CSMD1: variants seen among roughly 807,000 people sequenced by gnomAD.
CSMD1 encodes the protein CUB and sushi domain-containing protein 1.
In CSMD1, 213 loss-of-function variants were observed where a neutral mutation model predicts 417.5. The ratio of observed to expected loss-of-function variants is 0.51; its 90% confidence interval spans 0.46 to 0.57. CSMD1 has a LOEUF of 0.57. CSMD1 is among the 20% of genes least tolerant of loss of function. The probability of loss-of-function intolerance (pLI) is 0.00; values close to 1 mark genes in which losing one functional copy is unlikely to be tolerated. For synonymous variants in CSMD1, 2,862 were observed against 1,736.8 expected, an observed-to-expected ratio of 1.65 and a Z score of -16.11; for missense variants, 6,923 against 4,529.7, an observed-to-expected ratio of 1.53 and a Z score of -15.17.
At chr8:4,012,234 T>C (rs1488559313) in intron 4 of CSMD1, among the ~76,000 whole-genome samples, 1 of 152,016 alleles carries the variant, frequency 6.6e-6, no homozygotes, top group Non-Finnish European at 1.5e-5. Flanking sequence ...TCTCTTTAGA[T>C]ACTACTCTTC....
At chr8:3,821,712 C>G (rs975678884) in intron 5 of CSMD1, among the ~76,000 whole-genome samples, 1 of 152,066 alleles carries the variant, frequency 6.6e-6, no homozygotes, top group Non-Finnish European at 1.5e-5. Flanking sequence ...AACCCAGGAG[C>G]GGGAGGTTGC....
At chr8:4,951,703 C>T (rs1402468464) in intron 1 of CSMD1, among the ~76,000 whole-genome samples, 1 of 151,378 alleles carries the variant, frequency 6.6e-6, no homozygotes, top group Non-Finnish European at 1.5e-5. Flanking sequence ...GGCTGTGGTT[C>T]TACCAGAAGA....
intron 69 of CSMD1, among the ~76,000 whole-genome samples, chr8:2,939,027 C>A (rs555438258): frequency 2.0e-5 from 3 of 152,148 alleles, no homozygotes; most frequent in Non-Finnish European, 4.4e-5. Context: ...TGCAGTGGCA[C>A]GACCACCACT....
At chr8:3,047,157 A>G (rs73488440) in intron 50 of CSMD1, among the ~76,000 whole-genome samples, 5,766 of 148,340 alleles carry the variant, frequency 0.039, 392 homozygotes, top group African/African-American at 0.14. Flanking sequence ...GCAGTGGACC[A>G]AGATCCAGAT....
At chr8:3,329,154 C>T (rs1049636608) in intron 23 of CSMD1, among the ~76,000 whole-genome samples, 3 of 151,990 alleles carry the variant, frequency 2.0e-5, no homozygotes, top group Non-Finnish European at 2.9e-5. Flanking sequence ...AGGAGAGAGG[C>T]GATGCCATAG....
At chr8:4,006,532 G>C (rs1397150519) in intron 4 of CSMD1, among the ~76,000 whole-genome samples, 1 of 152,154 alleles carries the variant, frequency 6.6e-6, no homozygotes, top group Non-Finnish European at 1.5e-5. Context: ...GACAGAGTGA[G>C]GCCTTGCCTC....
intron 12 of CSMD1, among the ~76,000 whole-genome samples, chr8:3,464,190 G>A (rs1311291105): frequency 6.6e-6 from 1 of 152,126 alleles, no homozygotes; most frequent in African/African-American, 2.4e-5. Flanking sequence ...ATCAACTAGT[G>A]TGATGAACTC....
chr8:3,702,307 CAA>C (rs1200529949), intron 7 of CSMD1: 1 of 152,136 alleles, frequency 6.6e-6, no homozygotes, highest in Non-Finnish European at 1.5e-5. Flanking sequence ...TCGAATTGGG[CAA>C]GTCATTTGTC....
At chr8:3,547,349 G>A (rs951059988) in intron 10 of CSMD1, among the ~76,000 whole-genome samples, 3 of 152,064 alleles carry the variant, frequency 2.0e-5, no homozygotes, top group East Asian at 3.9e-4. Context: ...AAATTTGTAC[G>A]GTCGAAAAAT....
At chr8:3,940,084 T>C (rs141994256) in intron 5 of CSMD1, among the ~76,000 whole-genome samples, 43 of 150,528 alleles carry the variant, frequency 2.9e-4, no homozygotes, top group African/African-American at 1.0e-3. Flanking sequence ...TAAAAACTTA[T>C]AAATGCAGAT....
At position 4,994,337 on chromosome 8, in the gene CSMD1, G is replaced by A; in HGVS notation, c.80C>T (p.Ala27Val). The A allele has an allele frequency of 6.2e-7, 1 of 1,610,294 alleles. No homozygotes were observed. Among genetic ancestry groups the A allele is most frequent in the South Asian group, 1.1e-5 (1 of 91,070 alleles). ...LVLCARLLTAAKGQNCGGLVQ... is the reference protein window; with the variant it reads ...LVLCARLLTAVKGQNCGGLVQ... ...CAGGAGCAAGTCCGTCTTACCCTTC[G>A]CTGCAGTGAGGAGCCTCGCGCACAG... Residue 27 changes from alanine (A) to valine (V), a missense_variant, in exon 1 of 70, where the codon GCG becomes GTG. Ala to Val is a moderately conservative substitution (Grantham distance 64). Transcript: ENST00000635120.
At chr8:4,401,695 C>T (rs187165765) in intron 3 of CSMD1, among the ~76,000 whole-genome samples, 4 of 152,218 alleles carry the variant, frequency 2.6e-5, no homozygotes, top group African/African-American at 9.6e-5. Flanking sequence ...AACTCACCTC[C>T]CATCTAATCC....
intron 5 of CSMD1, among the ~76,000 whole-genome samples, chr8:3,907,074 T>C (rs914247097): frequency 6.6e-6 from 1 of 152,194 alleles, no homozygotes; most frequent in Non-Finnish European, 1.5e-5. Context: ...TCGTAGCTAG[T>C]AATCACATCC....
At chr8:3,428,829 G>A (rs1215502423) in intron 12 of CSMD1, among the ~76,000 whole-genome samples, 1 of 152,106 alleles carries the variant, frequency 6.6e-6, no homozygotes, top group African/African-American at 2.4e-5. Context: ...GATGAATAAT[G>A]GTAAAAATGT....
chr8:4,272,562 G>A (rs1260983811), intron 3 of CSMD1, among the ~76,000 whole-genome samples: 1 of 152,162 alleles, frequency 6.6e-6, no homozygotes, highest in Non-Finnish European at 1.5e-5. Flanking sequence ...TGTAATACCA[G>A]TTATTTACTT....
intron 2 of CSMD1, among the ~76,000 whole-genome samples, chr8:4,555,997 A>G (rs768015019): frequency 2.6e-5 from 4 of 152,092 alleles, no homozygotes; most frequent in Non-Finnish European, 4.4e-5. Context: ...CTGTAAGTAT[A>G]TTTTTGAACC....
At chr8:4,889,070 C>G (rs909724420) in intron 1 of CSMD1, among the ~76,000 whole-genome samples, 6 of 151,912 alleles carry the variant, frequency 3.9e-5, no homozygotes, top group African/African-American at 1.2e-4. Context: ...TGTGGTAAGC[C>G]CAGTGAATGA....
intron 5 of CSMD1, among the ~76,000 whole-genome samples, chr8:3,918,938 C>T (rs963327653): frequency 2.6e-5 from 4 of 151,580 alleles, no homozygotes; most frequent in Admixed American, 2.0e-4. Flanking sequence ...GTGGGCTGCT[C>T]GGGTGATGGG....
At chr8:4,338,406 G>A (rs1361655647) in intron 3 of CSMD1, among the ~76,000 whole-genome samples, 1 of 152,076 alleles carries the variant, frequency 6.6e-6, no homozygotes, top group African/African-American at 2.4e-5. Flanking sequence ...ACATACTAGT[G>A]TGGATGAATC....
Sources: gnomAD v4.1 joint callset for allele counts (sites outside exome capture counted in the v4.1 genomes callset) on GRCh38, gnomAD v4.1.1 for gene constraint, MANE v1.5 for transcripts, NCBI Gene and HGNC (gene_info 2026-07-23, HGNC 2026-07-21) for gene names.